Variants in SKI observed in about 807,000 individuals in gnomAD.
SKI encodes the protein ski oncogene.
Under a neutral mutation model 59.3 loss-of-function variants are expected in SKI, and 23 were observed. The observed-to-expected ratio is 0.39, with a 90% CI of 0.28 to 0.55. The LOEUF is 0.55. SKI is among the 20% of genes least tolerant of loss of function. The pLI is 0.67. For synonymous variants in SKI, 673 were observed against 488.6 expected (o/e 1.38, Z -4.98); for missense variants, 1,017 against 1,038.9 (o/e 0.98, Z 0.29).
intron 1 of SKI, among the ~76,000 whole-genome samples, chr1:2,256,251 C>G (rs1334017737): frequency 3.3e-5 from 5 of 152,016 alleles, no homozygotes; most frequent in Admixed American, 2.6e-4. Flanking sequence ...GTGTCCTGAC[C>G]TCATTTCCTG....
intron 1 of SKI, among the ~76,000 whole-genome samples, chr1:2,266,398 C>T (rs558530847): frequency 2.8e-4 from 42 of 152,302 alleles, no homozygotes; most frequent in Admixed American, 2.5e-3. Flanking sequence ...GAATTCCAGC[C>T]GCCATGCTCT....
In SKI at chr1:2,308,587, C is replaced by G. The variant is rs1189529479; in HGVS notation, c.*1822C>G. On this transcript the variant is annotated 3_prime_UTR_variant, in exon 7 of 7. Coordinates refer to ENST00000378536, the MANE Select transcript of SKI (RefSeq NM_003036.4). ...CAACATGCAGAATGCTGTTTTTAGC[C>G]TTGTTTTACCAGAGTTGTTTTTTTT... The G allele has an allele frequency of 1.3e-5, 2 of 151,916 alleles. No homozygotes were observed. The highest frequency in any genetic ancestry group is 6.5e-5 in the Admixed American group (1 of 15,272). 9.4% of individuals were successfully genotyped at this position (151,916 alleles called of 1,614,324 possible).
At chr1:2,261,755 T>C (rs1639391660) in intron 1 of SKI, among the ~76,000 whole-genome samples, 1 of 152,278 alleles carries the variant, frequency 6.6e-6, no homozygotes, top group Non-Finnish European at 1.5e-5. Flanking sequence ...TGGCACCGGC[T>C]AGGGCCTCCA....
intron 1 of SKI, among the ~76,000 whole-genome samples, chr1:2,262,938 C>T (rs889031074): frequency 6.6e-6 from 1 of 151,906 alleles, no homozygotes; most frequent in Admixed American, 6.6e-5. Flanking sequence ...TCTTGCTCTG[C>T]ACCCAGGCTG....
intron 1 of SKI, among the ~76,000 whole-genome samples, chr1:2,275,606 G>A (rs1254578355): frequency 1.3e-5 from 2 of 152,030 alleles, no homozygotes; most frequent in South Asian, 2.1e-4. Context: ...CTCCGCTCCC[G>A]GGTTCACGCC....
intron 1 of SKI, among the ~76,000 whole-genome samples, chr1:2,231,444 A>G (rs553592419): frequency 6.6e-6 from 1 of 152,124 alleles, no homozygotes; most frequent in South Asian, 2.1e-4. Flanking sequence ...TGGAGTGGCC[A>G]GTGGGGCCTC....
At chr1:2,295,258 G>C (rs1034280758) in intron 1 of SKI, among the ~76,000 whole-genome samples, 6 of 152,164 alleles carry the variant, frequency 3.9e-5, no homozygotes, top group Non-Finnish European at 7.4e-5. Flanking sequence ...CATGCCAGCC[G>C]AGCGCCCCTC....
chr1:2,279,130 GC>G (rs149015948), intron 1 of SKI, among the ~76,000 whole-genome samples: 226 of 152,292 alleles, frequency 1.5e-3, no homozygotes, highest in African/African-American at 5.3e-3. Flanking sequence ...GCTGGGCTGG[GC>G]CCTCCACCGC....
chr1:2,284,080 C>A (rs1639978383), intron 1 of SKI, among the ~76,000 whole-genome samples: 1 of 152,184 alleles, frequency 6.6e-6, no homozygotes, highest in Non-Finnish European at 1.5e-5. Context: ...CGGGCCATCC[C>A]CCGTCCATGA....
chr1:2,265,597 T>C (rs1288955459), intron 1 of SKI, among the ~76,000 whole-genome samples: 1 of 152,230 alleles, frequency 6.6e-6, no homozygotes, highest in Non-Finnish European at 1.5e-5. Context: ...TTTTCTTCAT[T>C]GTGGTCCACA....
intron 1 of SKI, among the ~76,000 whole-genome samples, chr1:2,283,723 G>T (rs1279449693): frequency 2.0e-5 from 3 of 152,246 alleles, no homozygotes; most frequent in African/African-American, 4.8e-5. Flanking sequence ...TGCTGCCCAT[G>T]GCCCGGAAGT....
intron 1 of SKI, among the ~76,000 whole-genome samples, chr1:2,279,706 C>T (rs563931375): frequency 1.3e-5 from 2 of 152,158 alleles, no homozygotes; most frequent in East Asian, 1.9e-4. Context: ...CAGAACAGTT[C>T]TTTCTTCCTT....
chr1:2,283,688 C>A (rs766649224), intron 1 of SKI, among the ~76,000 whole-genome samples: 12 of 152,204 alleles, frequency 7.9e-5, no homozygotes, highest in Non-Finnish European at 1.3e-4. Flanking sequence ...CCCTCAAGTG[C>A]ATGTGGGGTG....
chr1:2,302,559 C>T (rs909625190), intron 1 of SKI, among the ~76,000 whole-genome samples: 3 of 152,058 alleles, frequency 2.0e-5, no homozygotes, highest in African/African-American at 7.2e-5. Flanking sequence ...CAGCGCTGGG[C>T]ACCCTCTGAG....
intron 5 of SKI, among the ~76,000 whole-genome samples, chr1:2,305,586 G>A (rs1214413111): frequency 6.6e-6 from 1 of 152,208 alleles, no homozygotes; most frequent in Non-Finnish European, 1.5e-5. Flanking sequence ...GAGAGTGGGG[G>A]GGCTTGCGGA....
chr1:2,284,939 T>A (rs1312487278), intron 1 of SKI, among the ~76,000 whole-genome samples: 3 of 152,216 alleles, frequency 2.0e-5, no homozygotes, highest in African/African-American at 7.2e-5. Context: ...TGCGGGCCTT[T>A]CTGATGATCA....
At chr1:2,235,208 AT>A (rs1292410452) in intron 1 of SKI, among the ~76,000 whole-genome samples, 3 of 151,746 alleles carry the variant, frequency 2.0e-5, no homozygotes, top group Non-Finnish European at 4.4e-5. Context: ...CACCCAAGTA[AT>A]TTTTTTGTAT....
Position 2,308,546 on chromosome 1 carries a change from G to C in SKI, c.*1781G>C, listed in dbSNP as rs562268802. On this transcript the variant is annotated 3_prime_UTR_variant, in exon 7 of 7. Transcript: ENST00000378536. ...GGCATTATTACCGTGTCTTGTAAAGGGTCGGTTTTGTTATGCAACATGCAG... is the reference window on the plus strand; with the variant it reads ...GGCATTATTACCGTGTCTTGTAAAGCGTCGGTTTTGTTATGCAACATGCAG... 6.6e-6 allele frequency: 1 copy of C among 152,178 alleles called. No homozygotes were observed. Among genetic ancestry groups the C allele is most frequent in the Non-Finnish European group, 1.5e-5 (1 of 68,044 alleles). 9.4% of individuals were successfully genotyped at this position (152,178 alleles called of 1,614,324 possible).
In SKI at chr1:2,287,628, G is replaced by A. The variant is rs147415798; in HGVS notation, c.970-15350G>A. On this transcript the variant is annotated intron_variant, in intron 1 of 6. Transcript: ENST00000378536. ...GTGTGCTCTGCCTGTGGGTGGGGGT[G>A]GTCTCTGTCTCAAGGTGGGCTACGA... is the stretch of plus-strand genomic sequence containing the variant. 2.4e-3 allele frequency among the ~76,000 whole-genome samples: 369 copies of A among 152,318 alleles called. 1 individual carries two copies. Among genetic ancestry groups the A allele is most frequent in the African/African-American group, 8.5e-3 (352 of 41,562 alleles).
Sources: allele counts gnomAD v4.1 joint callset (sites outside exome capture counted in the v4.1 genomes callset), GRCh38; gene constraint gnomAD v4.1.1; transcripts MANE v1.5; gene names NCBI Gene and HGNC (gene_info 2026-07-23, HGNC 2026-07-21).